The following GALNTL6 variants were observed in gnomAD, a reference collection of about 807,000 sequenced individuals.
GALNTL6 encodes the protein polypeptide N-acetylgalactosaminyltransferase-like 6.
A neutral mutation model predicts 73.7 loss-of-function variants in GALNTL6; 46 were observed. The ratio of observed to expected loss-of-function variants is 0.62; its 90% CI spans 0.49 to 0.80. The LOEUF (loss-of-function observed/expected upper bound fraction) is 0.80, where lower values mean the gene tolerates loss of function less well. Ranked by LOEUF, GALNTL6 falls within the 30% of genes least tolerant of loss-of-function variation. The pLI is 0.00. For missense variants in GALNTL6, 604 were observed against 755.0 expected, an observed-to-expected ratio of 0.80 and a Z score of 2.34; for synonymous variants, 259 against 263.7, an observed-to-expected ratio of 0.98 and a Z score of 0.17.
At chr4:171,996,349 A>G (rs984537979) in intron 2 of GALNTL6, among the ~76,000 whole-genome samples, 9 of 152,106 alleles carry the variant, frequency 5.9e-5, no homozygotes, top group Non-Finnish European at 1.2e-4. Flanking sequence ...CCCTTGATCT[A>G]TATTGCATTG....
At chr4:173,035,160 A>G (rs1204386511) in intron 12 of GALNTL6, among the ~76,000 whole-genome samples, 1 of 148,566 alleles carries the variant, frequency 6.7e-6, no homozygotes, top group South Asian at 2.1e-4. Context: ...TTTGTTACAT[A>G]TGTATACATG....
intron 5 of GALNTL6, among the ~76,000 whole-genome samples, chr4:172,573,361 T>A (rs1736836631): frequency 1.3e-5 from 2 of 152,144 alleles, no homozygotes; most frequent in Admixed American, 6.5e-5. Context: ...TCATTACAGC[T>A]TAATGAAAGT....
intron 4 of GALNTL6, among the ~76,000 whole-genome samples, chr4:172,318,529 C>T (rs569063385): frequency 1.0e-3 from 153 of 152,012 alleles, no homozygotes; most frequent in Non-Finnish European, 1.6e-3. Flanking sequence ...GGTGAAACCC[C>T]GTCTCTACTA....
chr4:173,010,978 T>C (rs1221607664), intron 11 of GALNTL6, among the ~76,000 whole-genome samples: 1 of 152,136 alleles, frequency 6.6e-6, no homozygotes, highest in Admixed American at 6.5e-5. Flanking sequence ...CTGCCAACAA[T>C]GTAAAAGTTT....
chr4:172,772,456 G>C (rs1376508095), intron 5 of GALNTL6, among the ~76,000 whole-genome samples: 1 of 152,084 alleles, frequency 6.6e-6, no homozygotes, highest in Non-Finnish European at 1.5e-5. Flanking sequence ...AACATTTTTA[G>C]GAGAAATAAA....
chr4:172,299,386 T>G (rs544514971), intron 3 of GALNTL6, among the ~76,000 whole-genome samples: 48 of 152,356 alleles, frequency 3.2e-4, no homozygotes, highest in African/African-American at 1.1e-3. Flanking sequence ...GCTCTGATCT[T>G]AGTTATTTCT....
chr4:171,989,428 C>T (rs899331728), intron 2 of GALNTL6, among the ~76,000 whole-genome samples: 7 of 151,868 alleles, frequency 4.6e-5, no homozygotes, highest in African/African-American at 7.2e-5. Context: ...AGATGGGATA[C>T]GGCTTAGGAG....
At chr4:171,905,804 C>A (rs1190788527) in intron 2 of GALNTL6, among the ~76,000 whole-genome samples, 47 of 151,888 alleles carry the variant, frequency 3.1e-4, no homozygotes, top group Admixed American at 9.8e-4. Flanking sequence ...TCTCAGACCA[C>A]AGTGCAATCA....
At chr4:172,138,517 T>A (rs865898534) in intron 2 of GALNTL6, among the ~76,000 whole-genome samples, 762 of 13,866 alleles carry the variant, frequency 0.055, 1 homozygote, top group East Asian at 0.11. Context: ...ATATATATTT[T>A]TTTTTTTTTT....
chr4:172,463,395 G>A lies in GALNTL6; in HGVS notation c.553+114706G>A, dbSNP rs572137159. ...AAGGAAGACTAGTAGTCAGACTTTT[G>A]GATGTGTCAGGATTACTCATAATTA... On this transcript the variant is annotated intron_variant, in intron 5 of 12. Transcript: ENST00000506823. Among the ~76,000 whole-genome samples, 13 of 151,606 alleles carry A rather than the reference G, an allele frequency of 8.6e-5. No individual in the cohort carries two copies. In the East Asian group the frequency reaches 1.7e-3, roughly 20 times the overall value.
intron 5 of GALNTL6, among the ~76,000 whole-genome samples, chr4:172,367,960 A>G (rs1392367869): frequency 6.6e-6 from 1 of 152,204 alleles, no homozygotes; most frequent in Non-Finnish European, 1.5e-5. Flanking sequence ...TAGTTTTTTA[A>G]TTTTTATTCA....
rs73872042 is a variant in GALNTL6 at position 172,398,726 on chromosome 4, A to G, written c.553+50037A>G. Among the ~76,000 whole-genome samples, 1,334 of 152,318 alleles carry G rather than the reference A, an allele frequency of 8.8e-3. 22 individuals are homozygous for G. Among genetic ancestry groups the G allele is most frequent in the African/African-American group, 0.031 (1,272 of 41,584 alleles). ...TATATCAACTCTACAAATATATTCA[A>G]TTCCTAAAAATAATTTTGTAGAAGT... On this transcript the variant is annotated intron_variant, in intron 5 of 12. Transcript: ENST00000506823.
intron 2 of GALNTL6, among the ~76,000 whole-genome samples, chr4:172,202,410 G>A (rs998391660): frequency 6.6e-6 from 1 of 152,090 alleles, no homozygotes; most frequent in Non-Finnish European, 1.5e-5. Flanking sequence ...ATCTCAATAT[G>A]TTTATTATTC....
At chr4:171,925,919 A>G (rs572015539) in intron 2 of GALNTL6, among the ~76,000 whole-genome samples, 8 of 152,268 alleles carry the variant, frequency 5.3e-5, no homozygotes, top group Admixed American at 5.2e-4. Context: ...ATACACTTCC[A>G]GCATTTATGT....
At chr4:172,279,407 A>C (rs1224969481) in intron 3 of GALNTL6, among the ~76,000 whole-genome samples, 1 of 149,466 alleles carries the variant, frequency 6.7e-6, no homozygotes, top group Non-Finnish European at 1.5e-5. Context: ...AAATGACTTC[A>C]ATAGACATTT....
chr4:171,929,162 G>A (rs994968268), intron 2 of GALNTL6, among the ~76,000 whole-genome samples: 1 of 152,040 alleles, frequency 6.6e-6, no homozygotes, highest in Non-Finnish European at 1.5e-5. Flanking sequence ...CACCTCCCAG[G>A]CTCAAGCCAT....
intron 7 of GALNTL6, among the ~76,000 whole-genome samples, chr4:172,818,756 G>C (rs1396954714): frequency 6.6e-6 from 1 of 152,096 alleles, no homozygotes. Flanking sequence ...ACGCCACCAT[G>C]CCTGGCTAAT....
chr4:172,480,751 G>A (rs1733422835), intron 5 of GALNTL6, among the ~76,000 whole-genome samples: 1 of 152,150 alleles, frequency 6.6e-6, no homozygotes, highest in Non-Finnish European at 1.5e-5. Flanking sequence ...TGTGGATTAG[G>A]CAGGCAACTT....
At chr4:172,751,213 T>C (rs531805055) in intron 5 of GALNTL6, among the ~76,000 whole-genome samples, 1 of 152,320 alleles carries the variant, frequency 6.6e-6, no homozygotes, top group East Asian at 1.9e-4. Context: ...AAAACATTAC[T>C]AACACACTTT....
Sources: gnomAD v4.1 joint callset for allele counts (sites outside exome capture counted in the v4.1 genomes callset) on GRCh38, gnomAD v4.1.1 for gene constraint, MANE v1.5 for transcripts, NCBI Gene and HGNC (gene_info 2026-07-23, HGNC 2026-07-21) for gene names.